The following LYN variants were observed in gnomAD, a reference collection of about 807,000 sequenced individuals.
LYN encodes LYN proto-oncogene, Src family tyrosine kinase, also known as tyrosine-protein kinase Lyn.
LYN carries 12 observed loss-of-function variants against 65.0 expected under a neutral mutation model. That is an observed-to-expected ratio of 0.18 (90% CI 0.12 to 0.30). LYN has a LOEUF of 0.30. LYN is among the 10% of genes least tolerant of loss of function. The pLI is 1.00. For synonymous variants in LYN, 222 were observed against 221.2 expected, an observed-to-expected ratio of 1.00 and a Z score of -0.03; for missense variants, 380 against 623.2, an observed-to-expected ratio of 0.61 and a Z score of 4.16.
chr8:55,923,211 TG>T (rs1805995429), intron 1 of LYN, among the ~76,000 whole-genome samples: 1 of 152,134 alleles, frequency 6.6e-6, no homozygotes, highest in Non-Finnish European at 1.5e-5. Flanking sequence ...TGAAACGAAT[TG>T]GGGGTGGCCT....
chr8:55,902,655 C>A, intron 1 of LYN: 2 of 376,096 alleles, frequency 5.3e-6, no homozygotes, highest in Non-Finnish European at 5.2e-6. Flanking sequence ...CTGAAAATTC[C>A]TTATTACTTA....
rs1043054300 is a variant in LYN at position 56,000,727 on chromosome 8, CAAAAAAAAAAAA to C, written c.1336+1195_1336+1206del. 1.1e-4 allele frequency among the ~76,000 whole-genome samples: 5 copies of C among 46,860 alleles called. No homozygotes were observed. In the South Asian group the frequency reaches 6.0e-3, roughly 56 times the overall value. The allele number at this position is 46,860 out of a possible 152,430, so 30.7% of individuals were successfully genotyped here. Reference sequence around the variant, plus strand: ...ATGGCGACAGAGTGAGACTCTGTCTCAAAAAAAAAAAAAAAAAAAAAAAAAAAAGAGGGATTT... The same window carrying C: ...ATGGCGACAGAGTGAGACTCTGTCTCAAAAAAAAAAAAAAAAGAGGGATTT... On this transcript the variant is annotated intron_variant, in intron 12 of 12. Transcript: ENST00000519728.
At chr8:55,915,566 C>T (rs1009171267) in intron 1 of LYN, among the ~76,000 whole-genome samples, 1 of 152,108 alleles carries the variant, frequency 6.6e-6, no homozygotes, top group Non-Finnish European at 1.5e-5. Context: ...ATTAGCTGGG[C>T]ATGGTGGCGG....
chr8:55,981,627 A>ATTT (rs1563323081), intron 10 of LYN, among the ~76,000 whole-genome samples: 1 of 152,152 alleles, frequency 6.6e-6, no homozygotes, highest in African/African-American at 2.4e-5. Flanking sequence ...AAGTGCTGGG[A>ATTT]TTATAGGTGT....
At chr8:55,895,067 T>C (rs1230477268) in intron 1 of LYN, among the ~76,000 whole-genome samples, 1 of 151,962 alleles carries the variant, frequency 6.6e-6, no homozygotes, top group African/African-American at 2.4e-5. Context: ...TCCCACCTGC[T>C]TCAGCCTCCC....
chr8:55,898,618 A>G (rs528402516), intron 1 of LYN, among the ~76,000 whole-genome samples: 90 of 152,196 alleles, frequency 5.9e-4, no homozygotes, highest in Non-Finnish European at 1.1e-3. Context: ...GATATAATTC[A>G]CATATTGTAT....
At chr8:55,978,234 C>G (rs1807810981) in intron 10 of LYN, among the ~76,000 whole-genome samples, 1 of 152,126 alleles carries the variant, frequency 6.6e-6, no homozygotes, top group Non-Finnish European at 1.5e-5. Flanking sequence ...GAGACCTGTG[C>G]TTTAAAAGTT....
intron 1 of LYN, among the ~76,000 whole-genome samples, chr8:55,918,279 C>T (rs1482476508): frequency 5.3e-5 from 8 of 152,256 alleles, no homozygotes; most frequent in Non-Finnish European, 7.3e-5. Context: ...CCTCCCTCTC[C>T]TGTTAACCTG....
At chr8:55,898,311 CAG>C (rs1304739085) in intron 1 of LYN, among the ~76,000 whole-genome samples, 2 of 152,066 alleles carry the variant, frequency 1.3e-5, no homozygotes, top group Admixed American at 1.3e-4. Flanking sequence ...TGTTTTGAGA[CAG>C]AGTCTCCCTC....
At chr8:55,915,534 G>A (rs745414148) in intron 1 of LYN, among the ~76,000 whole-genome samples, 5 of 151,924 alleles carry the variant, frequency 3.3e-5, no homozygotes, top group Non-Finnish European at 2.9e-5. Context: ...GTGAAACCCC[G>A]TCTCTACTAA....
At chr8:56,005,876 G>A (rs556058483) in intron 12 of LYN, among the ~76,000 whole-genome samples, 3 of 152,148 alleles carry the variant, frequency 2.0e-5, no homozygotes, top group Admixed American at 6.5e-5. Context: ...TTGAGGCCAG[G>A]AATTTGAGAC....
At chr8:55,965,979 G>A (rs1360640105) in intron 8 of LYN, among the ~76,000 whole-genome samples, 18 of 152,066 alleles carry the variant, frequency 1.2e-4, no homozygotes, top group Admixed American at 1.2e-3. Flanking sequence ...ACAAAAATTA[G>A]CCAGGTGTGG....
intron 4 of LYN, among the ~76,000 whole-genome samples, chr8:55,948,771 A>G (rs1806855342): frequency 6.6e-6 from 1 of 152,238 alleles, no homozygotes; most frequent in Admixed American, 6.5e-5. Context: ...TGATAGCTGT[A>G]TGACCTTGAC....
At chr8:55,892,136 T>C (rs1460778581) in intron 1 of LYN, among the ~76,000 whole-genome samples, 1 of 152,252 alleles carries the variant, frequency 6.6e-6, no homozygotes, top group African/African-American at 2.4e-5. Context: ...AAAGGTTGCA[T>C]TAAGGCCAGG....
At chr8:55,932,968 G>A (rs984281576) in intron 1 of LYN, among the ~76,000 whole-genome samples, 1 of 152,132 alleles carries the variant, frequency 6.6e-6, no homozygotes, top group Non-Finnish European at 1.5e-5. Flanking sequence ...ACTAAAGTGG[G>A]GGAGGGAGAA....
chr8:55,998,772 A>G (rs907594064), intron 11 of LYN, among the ~76,000 whole-genome samples: 5 of 152,242 alleles, frequency 3.3e-5, no homozygotes, highest in Non-Finnish European at 7.3e-5. Flanking sequence ...ATTCAGCAAG[A>G]TGATTCTTGT....
At chr8:55,949,311 T>G (rs1185586533) in intron 4 of LYN, among the ~76,000 whole-genome samples, 1 of 152,248 alleles carries the variant, frequency 6.6e-6, no homozygotes, top group Non-Finnish European at 1.5e-5. Flanking sequence ...TTCTGTGAGA[T>G]GGGAGCCATT....
In LYN at chr8:56,010,944, T is replaced by C. The variant is rs952552707; in HGVS notation, c.*834T>C. On this transcript the variant is annotated 3_prime_UTR_variant, in exon 13 of 13. Coordinates refer to ENST00000519728, the MANE Select transcript of LYN (RefSeq NM_002350.4). ...TTCCACAATTTCCTATATCCAGATTTGTTTTGACAATGTAGTTTGGAAGAA... is the reference window on the plus strand; with the variant it reads ...TTCCACAATTTCCTATATCCAGATTCGTTTTGACAATGTAGTTTGGAAGAA... 3.1e-4 allele frequency: 71 copies of C among 231,880 alleles called. No homozygotes were observed. Among genetic ancestry groups the C allele is most frequent in the African/African-American group, 1.5e-3 (70 of 45,396 alleles). The allele number at this position is 231,880 out of a possible 1,614,324, so 14.4% of individuals were successfully genotyped here. A position where few individuals can be genotyped will look rare whatever the true frequency, so the allele number is the denominator to read the frequency against.
intron 10 of LYN, among the ~76,000 whole-genome samples, chr8:55,996,945 A>G (rs1808386009): frequency 6.6e-6 from 1 of 151,656 alleles, no homozygotes; most frequent in Admixed American, 6.6e-5. Flanking sequence ...GCCTGATGAA[A>G]CCCCATCTCT....
Sources: allele counts gnomAD v4.1 joint callset (sites outside exome capture counted in the v4.1 genomes callset), GRCh38; gene constraint gnomAD v4.1.1; transcripts MANE v1.5; gene names NCBI Gene and HGNC (gene_info 2026-07-23, HGNC 2026-07-21).